Variants in RUSC2 observed in about 807,000 individuals in gnomAD.
RUSC2 encodes AP-4 complex accessory subunit RUSC2.
A neutral mutation model predicts 122.2 loss-of-function variants in RUSC2; 34 were observed. The ratio of observed to expected loss-of-function variants is 0.28; its 90% CI spans 0.21 to 0.37. The LOEUF is 0.37. Among genes scored for constraint, RUSC2 ranks in the 10% least tolerant of loss-of-function variants. RUSC2 has a pLI of 1.00. For missense variants in RUSC2, 1,747 were observed against 1,952.4 expected, an observed-to-expected ratio of 0.89 and a Z score of 1.98; for synonymous variants, 784 against 790.0, an observed-to-expected ratio of 0.99 and a Z score of 0.13.
rs375322001 is a variant in RUSC2 at position 35,551,694 on chromosome 9, T to A, written c.2014+3159T>A. Among the ~76,000 whole-genome samples the A allele has an allele frequency of 3.9e-5, 6 of 152,334 alleles. No homozygotes were observed. The East Asian group carries it at 5.8e-4, about 15-fold the overall frequency. The stretch of plus-strand genomic sequence containing the variant: ...AGCTTTTTTCTAAATCAAAAATGAA[T>A]GACAATTCATCAAGCTTTGAATGAC... On this transcript the variant is annotated intron_variant, in intron 2 of 11. Transcript: ENST00000361226.
At chr9:35,545,641 G>A (rs1821728523) in intron 1 of RUSC2, among the ~76,000 whole-genome samples, 1 of 152,180 alleles carries the variant, frequency 6.6e-6, no homozygotes, top group Non-Finnish European at 1.5e-5. Flanking sequence ...TGTTAAGAAT[G>A]TATTATGCCT....
chr9:35,498,117 C>A (rs980336675), intron 1 of RUSC2, among the ~76,000 whole-genome samples: 2 of 151,324 alleles, frequency 1.3e-5, no homozygotes, highest in Non-Finnish European at 2.9e-5. Flanking sequence ...GTTCTCCATA[C>A]AAGATCGTGT....
intron 1 of RUSC2, among the ~76,000 whole-genome samples, chr9:35,528,146 A>C (rs193131457): frequency 6.6e-6 from 1 of 152,284 alleles, no homozygotes; most frequent in East Asian, 1.9e-4. Context: ...AGCGCTTTGG[A>C]AGGCTGAGGC....
At position 35,555,375 on chromosome 9, in the gene RUSC2, T is replaced by C. The variant is rs7029864; in HGVS notation, c.2330T>C (p.Leu777Pro). The change falls in exon 3 of 12, where the codon CTG (leucine) becomes CCG (proline). Residue 777 changes from leucine to proline, a missense_variant. Coordinates refer to ENST00000361226, the MANE Select transcript of RUSC2 (RefSeq NM_014806.5). This position sits in a 1 kb window ranked among gnomAD's most constrained non-coding sequence, Gnocchi z 4.6. ...CCAGAGACCTCTCGGCCATCGCCCC[T>C]GGGCAGCTACTCCCCCATCCGGAGT... ...SEPETSRPSP[L>P]GSYSPIRSVG... 6.8e-6 allele frequency: 11 copies of C among 1,614,228 alleles called. No individual in the cohort carries two copies. The highest frequency in any genetic ancestry group is 1.1e-5 in the South Asian group (1 of 91,090).
intron 1 of RUSC2, among the ~76,000 whole-genome samples, chr9:35,507,112 A>G (rs1820929972): frequency 1.3e-5 from 2 of 152,168 alleles, no homozygotes; most frequent in Non-Finnish European, 2.9e-5. Context: ...GGGAGACCCT[A>G]TCTCAAGAAA....
At chr9:35,554,434 G>C (rs184130914) in intron 2 of RUSC2, among the ~76,000 whole-genome samples, 2 of 152,204 alleles carry the variant, frequency 1.3e-5, no homozygotes, top group Non-Finnish European at 2.9e-5. Context: ...ACTATGGTTC[G>C]ATATGCTCAG....
chr9:35,539,288 C>T (rs1184338729), intron 1 of RUSC2, among the ~76,000 whole-genome samples: 3 of 152,090 alleles, frequency 2.0e-5, no homozygotes, highest in Admixed American at 1.3e-4. Context: ...TCATTGCATA[C>T]ATTTGGGCTA....
chr9:35,492,934 T>C (rs1820596588), intron 1 of RUSC2, among the ~76,000 whole-genome samples: 1 of 152,176 alleles, frequency 6.6e-6, no homozygotes, highest in Non-Finnish European at 1.5e-5. Flanking sequence ...ACTATTTGTC[T>C]CTTTGTGACT....
At chr9:35,496,500 C>G (rs1820716535) in intron 1 of RUSC2, among the ~76,000 whole-genome samples, 1 of 152,160 alleles carries the variant, frequency 6.6e-6, no homozygotes. Flanking sequence ...GCCCATCTGC[C>G]CCTCCTGCTG....
At position 35,494,915 on chromosome 9, in the gene RUSC2, T is replaced by A. The variant is rs907518884; in HGVS notation, c.-93+4743T>A. 1.6e-4 allele frequency among the ~76,000 whole-genome samples: 21 copies of A among 134,026 alleles called. No individual in the cohort carries two copies. The Admixed American group carries it at 1.6e-3, about 10-fold the overall frequency. 87.9% of individuals were successfully genotyped at this position (134,026 alleles called of 152,430 possible). A position where few individuals can be genotyped will look rare whatever the true frequency, so the allele number is the denominator to read the frequency against. ...CTTGTTTTTTATATATAATATATAT[T>A]ATACATATTATATAAAATTTATATA... is the stretch of plus-strand genomic sequence containing the variant. On this transcript the variant is annotated intron_variant, in intron 1 of 11. Coordinates refer to ENST00000361226, the MANE Select transcript of RUSC2 (RefSeq NM_014806.5).
rs1446021360 is a variant in RUSC2 at position 35,556,017 on chromosome 9, C to T, written c.2722C>T (p.Pro908Ser). The change falls in exon 4 of 12, where the codon CCT becomes TCT. Residue 908 changes from proline to serine, a missense_variant. Transcript: ENST00000361226. ...EYRRKNPLGP[P>S]GLSGSLDRRS... ...CAGGAGGAAGAACCCACTAGGGCCA[C>T]CTGGTTTGTCAGGGAGCCTAGACCG... 6.2e-7 allele frequency: 1 copy of T among 1,614,246 alleles called. No individual in the cohort carries two copies. The highest frequency in any genetic ancestry group is 1.7e-5 in the Admixed American group (1 of 60,026).
At chr9:35,490,644 C>T (rs371640068) in intron 1 of RUSC2, among the ~76,000 whole-genome samples, 13 of 152,302 alleles carry the variant, frequency 8.5e-5, no homozygotes, top group East Asian at 7.7e-4. Flanking sequence ...CCGGCCGGGT[C>T]CTCTGCTCCC....
intron 1 of RUSC2, among the ~76,000 whole-genome samples, chr9:35,528,375 C>A (rs1375580725): frequency 6.6e-6 from 1 of 151,224 alleles, no homozygotes; most frequent in Admixed American, 6.6e-5. Flanking sequence ...CAGAGTGAGA[C>A]CCTATTCCTT....
chr9:35,511,412 T>A (rs772074848), intron 1 of RUSC2, among the ~76,000 whole-genome samples: 9 of 152,148 alleles, frequency 5.9e-5, no homozygotes. Context: ...ATGAGTATGG[T>A]ATGAAGAGAG....
At chr9:35,500,686 T>G (rs1820805276) in intron 1 of RUSC2, among the ~76,000 whole-genome samples, 2 of 152,216 alleles carry the variant, frequency 1.3e-5, no homozygotes, top group Admixed American at 1.3e-4. Flanking sequence ...TTGCCAATTA[T>G]TCCCTCATAA....
chr9:35,538,696 C>G (rs1015893077), intron 1 of RUSC2: 4 of 152,304 alleles, frequency 2.6e-5, no homozygotes, highest in Non-Finnish European at 5.9e-5. Flanking sequence ...TTTTCCTTTG[C>G]TGTCTTAAGA....
At chr9:35,522,487 T>C (rs1821234514) in intron 1 of RUSC2, among the ~76,000 whole-genome samples, 1 of 152,198 alleles carries the variant, frequency 6.6e-6, no homozygotes, top group Admixed American at 6.5e-5. Flanking sequence ...CTCTAACCCT[T>C]ACACCCTGAA....
chr9:35,519,572 C>G (rs1054636138), intron 1 of RUSC2, among the ~76,000 whole-genome samples: 1 of 152,160 alleles, frequency 6.6e-6, no homozygotes, highest in African/African-American at 2.4e-5. Flanking sequence ...ATGACTGATT[C>G]AGTCCTAGTG....
intron 1 of RUSC2, among the ~76,000 whole-genome samples, chr9:35,520,712 TG>T (rs1413507771): frequency 6.6e-6 from 1 of 152,186 alleles, no homozygotes; most frequent in Non-Finnish European, 1.5e-5. Context: ...GGGCCTTTTT[TG>T]TTCCAGCTAA....
Sources: allele counts gnomAD v4.1 joint callset (sites outside exome capture counted in the v4.1 genomes callset), GRCh38; gene constraint gnomAD v4.1.1; non-coding constraint Gnocchi (gnomAD v3.1); transcripts MANE v1.5; gene names NCBI Gene and HGNC (gene_info 2026-07-23, HGNC 2026-07-21).